The following GABBR2 variants were observed in gnomAD, a reference collection of about 807,000 sequenced individuals.
GABBR2 encodes G-protein coupled receptor 51.
Under a neutral mutation model 105.6 loss-of-function variants are expected in GABBR2, and 23 were observed. The ratio of observed to expected loss-of-function variants is 0.22; its 90% CI spans 0.16 to 0.31. The LOEUF (loss-of-function observed/expected upper bound fraction) is 0.31, where lower values mean the gene tolerates loss of function less well. Among genes scored for constraint, GABBR2 ranks in the 10% least tolerant of loss-of-function variants. The pLI, the probability that GABBR2 is intolerant of heterozygous loss-of-function variation, is 1.00. For synonymous variants in GABBR2, 478 were observed against 499.7 expected (o/e 0.96, Z 0.58); for missense variants, 734 against 1,245.5 (o/e 0.59, Z 6.18).
chr9:98,328,947 G>C (rs1428945271), intron 13 of GABBR2, among the ~76,000 whole-genome samples: 1 of 152,174 alleles, frequency 6.6e-6, no homozygotes, highest in African/African-American at 2.4e-5. Flanking sequence ...CAAATGAGGT[G>C]ACCTTGTGGC....
intron 6 of GABBR2, among the ~76,000 whole-genome samples, chr9:98,469,991 C>T (rs1325184835): frequency 6.6e-6 from 1 of 152,142 alleles, no homozygotes. Context: ...TATGTTTGAC[C>T]ATAGACTTCT....
chr9:98,608,164 T>C lies in GABBR2; in HGVS notation c.322-30092A>G, dbSNP rs146485822. 2,880 of 1,171,536 alleles carry C rather than the reference T, an allele frequency of 2.5e-3. 52 individuals are homozygous for C. The African/African-American group carries it at 0.04, about 16-fold the overall frequency. The allele number at this position is 1,171,536 out of a possible 1,614,324, so 72.6% of individuals were successfully genotyped here. A position where few individuals can be genotyped will look rare whatever the true frequency, so the allele number is the denominator to read the frequency against. ...CTATTGACCACCAGTTACGTATTAG[T>C]TGCCAATATGCCAGCTTGGACATCA... is the stretch of plus-strand genomic sequence containing the variant. On this transcript the variant is annotated intron_variant, in intron 1 of 18. Transcript: ENST00000259455.
At chr9:98,414,888 A>T (rs1372945500) in intron 7 of GABBR2, among the ~76,000 whole-genome samples, 1 of 152,224 alleles carries the variant, frequency 6.6e-6, no homozygotes, top group Non-Finnish European at 1.5e-5. Flanking sequence ...CCTAAGGAAC[A>T]GTGGGGACAT....
Position 98,616,880 on chromosome 9 carries a change from A to G in GABBR2, c.322-38808T>C, listed in dbSNP as rs577120324. Among the ~76,000 whole-genome samples, 41 of 152,352 alleles carry G rather than the reference A, an allele frequency of 2.7e-4. 1 individual carries two copies. Among genetic ancestry groups the G allele is most frequent in the African/African-American group, 8.2e-4 (34 of 41,582 alleles). On this transcript the variant is annotated intron_variant, in intron 1 of 18. Coordinates refer to ENST00000259455, the MANE Select transcript of GABBR2 (RefSeq NM_005458.8). ...ATAAGTGAGGTATTGATGTATGAAT[A>G]TATTTTCTACATTTTAAAACTAAAG...
rs567154149 is a variant in GABBR2, at chr9:98,499,690, T to C, written c.631-3176A>G. On this transcript the variant is annotated intron_variant, in intron 3 of 18. Coordinates refer to ENST00000259455, the MANE Select transcript of GABBR2 (RefSeq NM_005458.8). ...GTAGAAAGACCCTTTAGTGCACTGA[T>C]GGAAGATTTACTAAGAAAATTTATA... is the stretch of plus-strand genomic sequence containing the variant. Among the ~76,000 whole-genome samples the C allele has an allele frequency of 1.5e-3, 233 of 152,358 alleles. 1 individual carries two copies. Among genetic ancestry groups the C allele is most frequent in the African/African-American group, 4.9e-3 (205 of 41,586 alleles).
intron 2 of GABBR2, among the ~76,000 whole-genome samples, chr9:98,562,541 C>A (rs558573619): frequency 8.5e-5 from 13 of 152,176 alleles, no homozygotes; most frequent in African/African-American, 2.4e-4. Context: ...ATTGTGTGTG[C>A]AAACTAATAT....
At chr9:98,411,186 G>C (rs188986991) in intron 7 of GABBR2, among the ~76,000 whole-genome samples, 1 of 152,276 alleles carries the variant, frequency 6.6e-6, no homozygotes, top group African/African-American at 2.4e-5. Flanking sequence ...TAACGTCAAA[G>C]AAAGCAGTCT....
At chr9:98,569,581 A>G (rs1564117394) in intron 2 of GABBR2, among the ~76,000 whole-genome samples, 1 of 152,182 alleles carries the variant, frequency 6.6e-6, no homozygotes, top group Non-Finnish European at 1.5e-5. Context: ...TGCTATTCCC[A>G]TTTTACATAA....
chr9:98,393,227 C>T (rs369248337), intron 9 of GABBR2, among the ~76,000 whole-genome samples: 29 of 148,984 alleles, frequency 1.9e-4, no homozygotes, highest in African/African-American at 7.0e-4. Flanking sequence ...ATCTACCCAG[C>T]CATCCATCTG....
chr9:98,401,768 T>C (rs937603427), intron 8 of GABBR2, among the ~76,000 whole-genome samples: 23 of 152,216 alleles, frequency 1.5e-4, no homozygotes, highest in African/African-American at 4.3e-4. Flanking sequence ...GAAAGTATTC[T>C]AGTAGGTTCT....
At chr9:98,678,053 A>G (rs1180437631) in intron 1 of GABBR2, among the ~76,000 whole-genome samples, 1 of 151,936 alleles carries the variant, frequency 6.6e-6, no homozygotes, top group African/African-American at 2.4e-5. Flanking sequence ...TCTGGACGGA[A>G]CTCTCGTTTT....
At chr9:98,662,523 A>G (rs916388455) in intron 1 of GABBR2, among the ~76,000 whole-genome samples, 1 of 152,230 alleles carries the variant, frequency 6.6e-6, no homozygotes. Flanking sequence ...TGAAGGGCAG[A>G]AAAAGCTGAG....
intron 1 of GABBR2, among the ~76,000 whole-genome samples, chr9:98,589,183 A>T (rs1055633963): frequency 1.3e-5 from 2 of 152,176 alleles, no homozygotes; most frequent in Non-Finnish European, 2.9e-5. Flanking sequence ...TTCTTAGAGC[A>T]GTGCTGCTGC....
chr9:98,568,928 C>T (rs1828786945), intron 2 of GABBR2, among the ~76,000 whole-genome samples: 2 of 152,142 alleles, frequency 1.3e-5, no homozygotes, highest in Admixed American at 1.3e-4. Context: ...TCTCCAAAGT[C>T]CCCAGGTCCT....
intron 1 of GABBR2, chr9:98,607,951 C>T: frequency 7.4e-7 from 1 of 1,348,526 alleles, no homozygotes; most frequent in African/African-American, 1.4e-5. Context: ...AACTCTGAAG[C>T]TGAGCTCCAG....
chr9:98,390,175 G>C (rs1222284407), intron 9 of GABBR2, among the ~76,000 whole-genome samples: 1 of 152,092 alleles, frequency 6.6e-6, no homozygotes, highest in Non-Finnish European at 1.5e-5. Flanking sequence ...AGGAGCTCGA[G>C]ACCAGCCTGG....
At chr9:98,665,706 C>T (rs1001823217) in intron 1 of GABBR2, among the ~76,000 whole-genome samples, 1 of 152,272 alleles carries the variant, frequency 6.6e-6, no homozygotes, top group East Asian at 1.9e-4. Context: ...ACTTAATGTG[C>T]TTCTGAGCCC....
At chr9:98,567,216 A>G (rs1828765415) in intron 2 of GABBR2, among the ~76,000 whole-genome samples, 1 of 152,238 alleles carries the variant, frequency 6.6e-6, no homozygotes, top group Non-Finnish European at 1.5e-5. Flanking sequence ...GGACTTACAC[A>G]TTGGGAACTG....
At chr9:98,571,944 C>G (rs147311439) in intron 2 of GABBR2, among the ~76,000 whole-genome samples, 16 of 152,350 alleles carry the variant, frequency 1.1e-4, no homozygotes, top group Middle Eastern at 3.4e-3. Flanking sequence ...GAGGCCTGGA[C>G]TCCTCCCTCC....
Sources: gnomAD v4.1 joint callset for allele counts (sites outside exome capture counted in the v4.1 genomes callset) on GRCh38, gnomAD v4.1.1 for gene constraint, MANE v1.5 for transcripts, NCBI Gene and HGNC (gene_info 2026-07-23, HGNC 2026-07-21) for gene names.